The following THSD7A variants were observed in gnomAD, a reference collection of about 807,000 sequenced individuals.
THSD7A encodes the protein thrombospondin type-1 domain-containing protein 7A.
A neutral mutation model predicts 231.3 loss-of-function variants in THSD7A; 96 were observed. The observed-to-expected ratio is 0.41, with a 90% CI of 0.35 to 0.49. The LOEUF (loss-of-function observed/expected upper bound fraction) is 0.49, where lower values mean the gene tolerates loss of function less well. Among genes scored for constraint, THSD7A ranks in the 20% least tolerant of loss-of-function variants. THSD7A has a pLI of 0.05. For missense variants in THSD7A, 2,290 were observed against 2,070.2 expected (o/e 1.11, Z -2.06); for synonymous variants, 940 against 743.3 (o/e 1.26, Z -4.30).
At chr7:11,564,279 G>T (rs947067034) in intron 4 of THSD7A, among the ~76,000 whole-genome samples, 2 of 151,632 alleles carry the variant, frequency 1.3e-5, no homozygotes, top group African/African-American at 4.8e-5. Flanking sequence ...TGCTGGTGAG[G>T]AGGGAGTTAT....
intron 1 of THSD7A, among the ~76,000 whole-genome samples, chr7:11,642,351 A>C (rs1235028541): frequency 2.0e-5 from 3 of 152,122 alleles, no homozygotes; most frequent in Non-Finnish European, 4.4e-5. Flanking sequence ...ATTTAGAAGG[A>C]ATTTGGAATC....
chr7:11,778,478 C>G (rs1024345064), intron 1 of THSD7A, among the ~76,000 whole-genome samples: 2 of 151,974 alleles, frequency 1.3e-5, no homozygotes, highest in Non-Finnish European at 2.9e-5. Flanking sequence ...AGAAATAAAG[C>G]TCTATGTATT....
chr7:11,574,732 G>A (rs975285148), intron 4 of THSD7A, among the ~76,000 whole-genome samples: 6 of 151,874 alleles, frequency 4.0e-5, no homozygotes, highest in Non-Finnish European at 7.4e-5. Context: ...CACCGCGCCC[G>A]GCCAACAAAA....
chr7:11,640,279 C>A (rs1409393609), intron 1 of THSD7A, among the ~76,000 whole-genome samples: 1 of 152,126 alleles, frequency 6.6e-6, no homozygotes, highest in Non-Finnish European at 1.5e-5. Context: ...TGAATAAAAT[C>A]AGAAACCAAA....
At chr7:11,489,089 T>C (rs1336416616) in intron 6 of THSD7A, among the ~76,000 whole-genome samples, 1 of 152,160 alleles carries the variant, frequency 6.6e-6, no homozygotes, top group African/African-American at 2.4e-5. Context: ...CATTAGCCTA[T>C]GAGAACCTTC....
At chr7:11,667,112 G>A (rs1036210085) in intron 1 of THSD7A, among the ~76,000 whole-genome samples, 3 of 151,960 alleles carry the variant, frequency 2.0e-5, no homozygotes, top group African/African-American at 7.3e-5. Context: ...ACATGGATAA[G>A]TTCGTTAGTG....
At chr7:11,735,938 C>A (rs1193645838) in intron 1 of THSD7A, among the ~76,000 whole-genome samples, 1 of 151,702 alleles carries the variant, frequency 6.6e-6, no homozygotes, top group African/African-American at 2.4e-5. Flanking sequence ...ACTGGATGTA[C>A]TGTACTTAAA....
chr7:11,725,320 C>G (rs1442583101), intron 1 of THSD7A, among the ~76,000 whole-genome samples: 1 of 151,912 alleles, frequency 6.6e-6, no homozygotes, highest in African/African-American at 2.4e-5. Flanking sequence ...TAGAAACTTA[C>G]ATTGTGACTG....
chr7:11,683,577 A>C (rs1352311854), intron 1 of THSD7A, among the ~76,000 whole-genome samples: 2 of 152,108 alleles, frequency 1.3e-5, no homozygotes, highest in African/African-American at 4.8e-5. Context: ...AAAGATCCTC[A>C]GATTCTACTA....
intron 19 of THSD7A, among the ~76,000 whole-genome samples, chr7:11,408,205 A>G (rs892572971): frequency 6.6e-6 from 1 of 152,192 alleles, no homozygotes; most frequent in Non-Finnish European, 1.5e-5. Context: ...GGTACAAAGT[A>G]GTATTGAAAT....
At chr7:11,382,705 A>C in intron 23 of THSD7A, 89 bp from the exon 24 acceptor site, 2 of 979,792 alleles carry the variant, frequency 2.0e-6, no homozygotes, top group Non-Finnish European at 3.2e-6. Flanking sequence ...TATTACTGAA[A>C]AGTAATAAGC....
rs143812477 is a variant in THSD7A, at chr7:11,587,265, C to T, written c.1453+3195G>A. 4.3e-3 allele frequency among the ~76,000 whole-genome samples: 656 copies of T among 152,270 alleles called. 7 individuals are homozygous for T. The highest frequency in any genetic ancestry group is 0.015 in the African/African-American group (619 of 41,554). ...CATATTCTGATAAGGGTAGATTTCA[C>T]GCCAGCATAAGCTGGACATTCTTCA... On this transcript the variant is annotated intron_variant, in intron 4 of 27. Coordinates refer to ENST00000423059, the MANE Select transcript of THSD7A (RefSeq NM_015204.3).
At chr7:11,589,885 C>G (rs1584038254) in intron 4 of THSD7A, among the ~76,000 whole-genome samples, 1 of 152,028 alleles carries the variant, frequency 6.6e-6, no homozygotes, top group Non-Finnish European at 1.5e-5. Context: ...CTTCCTATAT[C>G]TGGTCCTGAA....
At chr7:11,385,896 G>A (rs545248844) in intron 23 of THSD7A, among the ~76,000 whole-genome samples, 279 of 152,092 alleles carry the variant, frequency 1.8e-3, no homozygotes, top group Non-Finnish European at 3.4e-3. Context: ...AGGAACCGGT[G>A]TGTGATGTTC....
intron 1 of THSD7A, among the ~76,000 whole-genome samples, chr7:11,731,489 A>T (rs183976916): frequency 3.0e-4 from 45 of 151,820 alleles, no homozygotes; most frequent in Non-Finnish European, 5.6e-4. Context: ...AGAGTTACTA[A>T]TAGAAGTTAC....
At chr7:11,664,021 C>T (rs1027937977) in intron 1 of THSD7A, among the ~76,000 whole-genome samples, 5 of 146,824 alleles carry the variant, frequency 3.4e-5, no homozygotes, top group Non-Finnish European at 7.7e-5. Context: ...TAGAAGTGCT[C>T]CAACTTGCTG....
At chr7:11,825,267 T>G (rs77272673) in intron 1 of THSD7A, among the ~76,000 whole-genome samples, 5,457 of 152,188 alleles carry the variant, frequency 0.036, 294 homozygotes, top group African/African-American at 0.12. Context: ...ATAAATGCCT[T>G]CTTACATCAG....
In THSD7A at chr7:11,411,152, T is replaced by C. The variant is rs2115382664; in HGVS notation, c.3798+55A>G. The C allele has an allele frequency of 1.4e-6, 2 of 1,393,148 alleles. No individual in the cohort carries two copies. Among genetic ancestry groups the C allele is most frequent in the Non-Finnish European group, 2.0e-6 (2 of 990,640 alleles). The allele number at this position is 1,393,148 out of a possible 1,614,324, so 86.3% of individuals were successfully genotyped here. On this transcript the variant is annotated intron_variant, in intron 19 of 27. Coordinates refer to ENST00000423059, the MANE Select transcript of THSD7A (RefSeq NM_015204.3). This position sits in a 1 kb window ranked among gnomAD's most constrained non-coding sequence, Gnocchi z 4.1. ...CACGGGTCACTTGGCTCAGCATGAA[T>C]TGAAATTATTAGGGAAGAATTTACT...
At chr7:11,484,429 C>A (rs1324963335) in intron 6 of THSD7A, among the ~76,000 whole-genome samples, 2 of 152,110 alleles carry the variant, frequency 1.3e-5, no homozygotes, top group Non-Finnish European at 2.9e-5. Context: ...GGTTTCAGTT[C>A]AATTTTCTCC....
Sources: gnomAD v4.1 joint callset for allele counts (sites outside exome capture counted in the v4.1 genomes callset) on GRCh38, gnomAD v4.1.1 for gene constraint, Gnocchi (gnomAD v3.1) non-coding constraint, MANE v1.5 for transcripts, NCBI Gene and HGNC (gene_info 2026-07-23, HGNC 2026-07-21) for gene names.